TCF20: variants seen among roughly 807,000 people sequenced by gnomAD.
TCF20 encodes the protein transcription factor 20.
TCF20 carries 3 observed loss-of-function variants against 148.6 expected under a neutral mutation model. The ratio of observed to expected loss-of-function variants is 0.02; its 90% CI spans 0.01 to 0.05. The LOEUF (loss-of-function observed/expected upper bound fraction) is 0.05. Ranked by LOEUF, TCF20 falls within the 10% of genes least tolerant of loss-of-function variation. The probability of loss-of-function intolerance (pLI) is 1.00; values close to 1 mark genes in which losing one functional copy is unlikely to be tolerated. For synonymous variants in TCF20, 1,049 were observed against 909.5 expected, an observed-to-expected ratio of 1.15 and a Z score of -2.76; for missense variants, 2,350 against 2,429.3, an observed-to-expected ratio of 0.97 and a Z score of 0.69.
rs776091004 is a variant in TCF20, at chr22:42,212,612, G to T, written c.2694C>A (p.Asp898Glu). Residue 898 changes from aspartate (D) to glutamate (E), a missense_variant, in exon 2 of 6, where the codon GAC (aspartate) becomes GAA (glutamate). Asp to Glu is a conservative substitution (Grantham distance 45). Coordinates refer to ENST00000677622, the MANE Select transcript of TCF20 (RefSeq NM_001378418.1). ...ACTGACTTAAAGTTGGATTGAGACGGTCATTCCTCCCAATTCTGGTGTCGG... is the reference window on the plus strand; with the variant it reads ...ACTGACTTAAAGTTGGATTGAGACGTTCATTCCTCCCAATTCTGGTGTCGG... The part of the protein sequence containing the change: ...MSADTRIGRN[D>E]RLNPTLSQSV... 5 of 1,614,150 alleles carry T rather than the reference G, an allele frequency of 3.1e-6. No individual in the cohort carries two copies. The highest frequency in any genetic ancestry group is 4.5e-5 in the East Asian group (2 of 44,884).
intron 1 of TCF20, among the ~76,000 whole-genome samples, chr22:42,242,592 G>A (rs1035446744): frequency 2.0e-5 from 3 of 152,036 alleles, no homozygotes; most frequent in Admixed American, 2.0e-4. Context: ...CAACTGTGAA[G>A]ATCTCTCTAC....
At chr22:42,332,798 G>C (rs571778435) in intron 1 of TCF20, among the ~76,000 whole-genome samples, 1 of 152,308 alleles carries the variant, frequency 6.6e-6, no homozygotes, top group East Asian at 1.9e-4. Context: ...AACTGCATGG[G>C]CAAACACGAT....
chr22:42,320,826 G>A (rs1927718742), intron 1 of TCF20, among the ~76,000 whole-genome samples: 1 of 152,194 alleles, frequency 6.6e-6, no homozygotes, highest in South Asian at 2.1e-4. Context: ...AGGGGACTCA[G>A]GTACTGCGAA....
At chr22:42,277,986 A>G (rs1926817295) in intron 1 of TCF20, among the ~76,000 whole-genome samples, 1 of 152,258 alleles carries the variant, frequency 6.6e-6, no homozygotes. Flanking sequence ...TGACCAGGAC[A>G]AGACGCTTAT....
At chr22:42,218,006 C>A (rs1361494684) in intron 1 of TCF20, among the ~76,000 whole-genome samples, 1 of 152,184 alleles carries the variant, frequency 6.6e-6, no homozygotes, top group Non-Finnish European at 1.5e-5. Context: ...CTAAAGGAAA[C>A]TTCTCATCCT....
At chr22:42,270,738 G>GGC (rs1376937903), upstream of TCF20, among the ~76,000 whole-genome samples, 4 of 143,992 alleles carry the variant, frequency 2.8e-5, 1 homozygote, top group East Asian at 4.1e-4. Flanking sequence ...GGCGGGGCGG[G>GGC]GCGCGCGGCG....
intron 1 of TCF20, among the ~76,000 whole-genome samples, chr22:42,241,159 T>A (rs1244091060): frequency 6.6e-6 from 1 of 152,204 alleles, no homozygotes; most frequent in Non-Finnish European, 1.5e-5. Flanking sequence ...CGCCTGGGCT[T>A]CAACTTGTAT....
upstream of TCF20, among the ~76,000 whole-genome samples, chr22:42,288,566 T>C (rs1036242547): frequency 7.2e-6 from 1 of 139,396 alleles, no homozygotes; most frequent in African/African-American, 2.7e-5. Flanking sequence ...AAGCCGGGCA[T>C]GGTGGCGTGC....
chr22:42,221,896 G>A (rs1404523127), intron 1 of TCF20, among the ~76,000 whole-genome samples: 1 of 151,920 alleles, frequency 6.6e-6, no homozygotes, highest in East Asian at 1.9e-4. Context: ...CCACCACCGT[G>A]CCTGGCTGAT....
rs778367559 is a variant in TCF20 at position 42,211,283 on chromosome 22, T to G, written c.4023A>C (p.Ile1341=). 5 of 1,614,076 alleles carry G rather than the reference T, an allele frequency of 3.1e-6. No individual in the cohort carries two copies. The highest frequency in any genetic ancestry group is 3.3e-4 in the Middle Eastern group (2 of 6,084). ...VTLTSPAKTK[I]LPPRKGRGLK... The stretch of plus-strand genomic sequence containing the variant: ...ATCCCCGTCCTTTCCGTGGGGGCAG[T>G]ATTTTGGTCTTAGCAGGGCTTGTGA... The change falls in exon 2 of 6, where the codon ATA becomes ATC. Residue 1341 remains isoleucine (I), a synonymous_variant. Coordinates refer to ENST00000677622, the MANE Select transcript of TCF20 (RefSeq NM_001378418.1).
In TCF20 at chr22:42,214,809, T is replaced by C; in HGVS notation, c.497A>G (p.Gln166Arg). ...YTGPFSPGSA[Q>R]YQQQASSQQQ... Reference sequence around the variant, plus strand: ...CTGGCTGGAAGCCTGCTGTTGGTACTGAGCACTCCCTGGAGAGAAAGGCCC... The same window carrying C: ...CTGGCTGGAAGCCTGCTGTTGGTACCGAGCACTCCCTGGAGAGAAAGGCCC... Residue 166 changes from glutamine (Q) to arginine (R), a missense_variant, in exon 2 of 6, where the codon CAG (glutamine) becomes CGG (arginine). Around this residue, in one of 7 missense-constraint regions of TCF20, gnomAD observed 1,641 missense variants for 1,662.6 expected, o/e 0.99. Coordinates refer to ENST00000677622, the MANE Select transcript of TCF20 (RefSeq NM_001378418.1). The C allele has an allele frequency of 6.2e-7, 1 of 1,614,126 alleles. No homozygotes were observed.
At position 42,214,669 on chromosome 22, in the gene TCF20, G is replaced by A. The variant is rs1376474968; in HGVS notation, c.637C>T (p.Arg213Trp). The change falls in exon 2 of 6, where the codon CGG (arginine) becomes TGG (tryptophan). Residue 213 changes from arginine to tryptophan, a missense_variant. Arg to Trp is a moderately radical substitution (Grantham distance 101). Around this residue, in one of 7 missense-constraint regions of TCF20, gnomAD observed 1,641 missense variants for 1,662.6 expected, o/e 0.99. Coordinates refer to ENST00000677622, the MANE Select transcript of TCF20 (RefSeq NM_001378418.1). ...SSSSHLQPMQ[R>W]PSTLPSSAAG... ...GCAGAGGATGGCAGAGTTGAGGGCCGCTGCATTGGCTGTAGATGGGATGAG... is the reference window on the plus strand; with the variant it reads ...GCAGAGGATGGCAGAGTTGAGGGCCACTGCATTGGCTGTAGATGGGATGAG... 19 of 1,614,038 alleles carry A rather than the reference G, an allele frequency of 1.2e-5. No homozygotes were observed. Among genetic ancestry groups the A allele is most frequent in the Non-Finnish European group, 1.4e-5 (17 of 1,180,046 alleles).
chr22:42,238,671 G>A (rs937771897), intron 1 of TCF20, among the ~76,000 whole-genome samples: 7 of 152,190 alleles, frequency 4.6e-5, no homozygotes, highest in Non-Finnish European at 1.0e-4. Context: ...CTTCAATACT[G>A]TTGTGTCTGA....
intron 2 of TCF20, among the ~76,000 whole-genome samples, chr22:42,189,325 T>G (rs116461292): frequency 8.9e-4 from 135 of 152,310 alleles, no homozygotes; most frequent in African/African-American, 3.2e-3. Flanking sequence ...CAGGGAGCCC[T>G]CTGGATGCCA....
At position 42,161,307 on chromosome 22, in the gene TCF20, G is replaced by A. The variant is rs1234488974; in HGVS notation, c.*96C>T. 38 of 1,613,694 alleles carry A rather than the reference G, an allele frequency of 2.4e-5. No individual in the cohort carries two copies. The highest frequency in any genetic ancestry group is 3.3e-5 in the South Asian group (3 of 91,076). Reference sequence around the variant, plus strand: ...GCAGGGTGTGGCTGCACGGTAGGACGATTTCCATTCCATCACGAGTGTCCA... The same window carrying A: ...GCAGGGTGTGGCTGCACGGTAGGACAATTTCCATTCCATCACGAGTGTCCA... On this transcript the variant is annotated 3_prime_UTR_variant, in exon 6 of 6. Coordinates refer to ENST00000677622, the MANE Select transcript of TCF20 (RefSeq NM_001378418.1).
chr22:42,285,352 C>CGACT (rs1417865847), upstream of TCF20, among the ~76,000 whole-genome samples: 1 of 151,970 alleles, frequency 6.6e-6, no homozygotes, highest in African/African-American at 2.4e-5. This position sits in a 1 kb window ranked among gnomAD's most constrained non-coding sequence, Gnocchi z 4.2. Context: ...CAGCTCCCAC[C>CGACT]GACTATAAAG....
At position 42,212,568 on chromosome 22, in the gene TCF20, C is replaced by T. The variant is rs141527051; in HGVS notation, c.2738G>A (p.Gly913Asp). 8.8e-5 allele frequency: 142 copies of T among 1,614,076 alleles called. No individual in the cohort carries two copies. Among genetic ancestry groups the T allele is most frequent in the Non-Finnish European group, 1.1e-4 (130 of 1,179,904 alleles). ...TLSQSVILPG[G>D]LVSMETKLKS... is the part of the protein sequence containing the mutation. Reference sequence around the variant, plus strand: ...CAGCTTGGTTTCCATGGACACCAAACCACCAGGAAGAATGACCGACTGACT... The same window carrying T: ...CAGCTTGGTTTCCATGGACACCAAATCACCAGGAAGAATGACCGACTGACT... Residue 913 changes from glycine (G) to aspartate (D), a missense_variant, in exon 2 of 6, where the codon GGT (glycine) becomes GAT (aspartate). Gly to Asp is a moderately conservative substitution (Grantham distance 94). Transcript: ENST00000677622.
intron 1 of TCF20, among the ~76,000 whole-genome samples, chr22:42,231,021 G>C (rs2147276538): frequency 6.6e-6 from 1 of 151,970 alleles, no homozygotes; most frequent in East Asian, 1.9e-4. Flanking sequence ...AATTAGCCAG[G>C]TGTAATGGCG....
rs116209832 is a variant in TCF20, at chr22:42,262,410, G to A, written c.-37+7929C>T. Among the ~76,000 whole-genome samples, 1,312 of 152,264 alleles carry A rather than the reference G, an allele frequency of 8.6e-3. 14 individuals carry two copies. The highest frequency in any genetic ancestry group is 0.03 in the African/African-American group (1,251 of 41,550). On this transcript the variant is annotated intron_variant, in intron 1 of 5. Transcript: ENST00000677622. ...AAGGAGGAATCTGATTTGAGAAACCGGGTAAACGGTAGAGCCCCTTACAGA... is the reference window on the plus strand; with the variant it reads ...AAGGAGGAATCTGATTTGAGAAACCAGGTAAACGGTAGAGCCCCTTACAGA...
Sources: gnomAD v4.1 joint callset for allele counts (sites outside exome capture counted in the v4.1 genomes callset) on GRCh38, gnomAD v4.1.1 for gene constraint, gnomAD v4.1.1 regional missense constraint, Gnocchi (gnomAD v3.1) non-coding constraint, MANE v1.5 for transcripts, NCBI Gene and HGNC (gene_info 2026-07-23, HGNC 2026-07-21) for gene names.